CXADR: variants seen among roughly 807,000 people sequenced by gnomAD.
CXADR encodes the protein CXADR cell adhesion molecule.
Under a neutral mutation model 40.3 loss-of-function variants are expected in CXADR, and 20 were observed. That is an observed-to-expected ratio of 0.50 (90% confidence interval 0.35 to 0.72). The LOEUF (loss-of-function observed/expected upper bound fraction) is 0.72. CXADR is among the 30% of genes least tolerant of loss of function. CXADR has a pLI of 0.01. For synonymous variants in CXADR, 150 were observed against 161.3 expected, an observed-to-expected ratio of 0.93 and a Z score of 0.53; for missense variants, 332 against 449.1, an observed-to-expected ratio of 0.74 and a Z score of 2.36.
At chr21:17,584,558 G>A (rs1341477703) in intron 7 of CXADR, among the ~76,000 whole-genome samples, 2 of 152,356 alleles carry the variant, frequency 1.3e-5, no homozygotes, top group South Asian at 2.1e-4. Flanking sequence ...TAGGCCGGGC[G>A]TGATGGCTCA....
In CXADR at chr21:17,565,942, T is replaced by G. The variant is rs393317; in HGVS notation, c.*250T>G. The G allele has an allele frequency of 0.34, 387,008 of 1,143,946 alleles. 67,050 individuals are homozygous for G. The highest frequency in any genetic ancestry group is 0.49 in the African/African-American group (30,638 of 62,542). The allele number at this position is 1,143,946 out of a possible 1,614,324, so 70.9% of individuals were successfully genotyped here. ...TTTCTTTAAGAGGTTGATTATAAAG[T>G]TTTCTAAATTTATCAGTACCTAAGT... On this transcript the variant is annotated 3_prime_UTR_variant, in exon 7 of 7. Transcript: ENST00000284878.
the CXADR span, among the ~76,000 whole-genome samples, chr21:17,619,263 T>C: frequency 5.3e-5 from 8 of 152,166 alleles, no homozygotes; most frequent in Non-Finnish European, 1.2e-4. Context: ...CTCAAGCCTG[T>C]AATCCCAACA....
chr21:17,567,083 G>A lies in CXADR; in HGVS notation c.*1391G>A, dbSNP rs1467483158. ...GTATTTCCCTTAAGATTGTGAGGGA[G>A]TGTGGATACAGTAGAATGAGCCAAC... On this transcript the variant is annotated 3_prime_UTR_variant, in exon 7 of 7. Coordinates refer to ENST00000284878, the MANE Select transcript of CXADR (RefSeq NM_001338.5). 3 of 979,726 alleles carry A rather than the reference G, an allele frequency of 3.1e-6. No individual in the cohort carries two copies. The highest frequency in any genetic ancestry group is 3.6e-6 in the Non-Finnish European group (3 of 824,772). The allele number at this position is 979,726 out of a possible 1,614,324, so 60.7% of individuals were successfully genotyped here. A position where few individuals can be genotyped will look rare whatever the true frequency, so the allele number is the denominator to read the frequency against.
the CXADR span, among the ~76,000 whole-genome samples, chr21:17,607,366 A>C: frequency 6.6e-6 from 1 of 152,082 alleles, no homozygotes; most frequent in African/African-American, 2.4e-5. Flanking sequence ...AAAGCTGTTC[A>C]CTCTATTGGA....
intron 6 of CXADR, among the ~76,000 whole-genome samples, chr21:17,562,228 A>G (rs980095095): frequency 2.6e-5 from 4 of 152,210 alleles, no homozygotes; most frequent in African/African-American, 9.6e-5. Context: ...GTGGAAGGTC[A>G]TGCCTCACTG....
intron 7 of CXADR, chr21:17,576,812 T>G (rs750399982): frequency 1.3e-5 from 2 of 152,198 alleles, no homozygotes; most frequent in Non-Finnish European, 2.9e-5. Context: ...GTTCCAAAGA[T>G]AGTGAGTTAT....
At position 17,569,154 on chromosome 21, in the gene CXADR, G is replaced by A. The variant is rs1344095316; in HGVS notation, c.*3462G>A. ...AATATTCTCAGTGTCTTTTGTGTGC[G>A]TGCAGCATGTACATTTGATGTTATG... On this transcript the variant is annotated 3_prime_UTR_variant, in exon 7 of 7. Transcript: ENST00000284878. The A allele has an allele frequency of 7.1e-6, 7 of 985,206 alleles. No homozygotes were observed. Among genetic ancestry groups the A allele is most frequent in the East Asian group, 1.1e-4 (1 of 8,824 alleles). 61.0% of individuals were successfully genotyped at this position (985,206 alleles called of 1,614,324 possible).
the CXADR span, among the ~76,000 whole-genome samples, chr21:17,619,023 G>A: frequency 1.5e-4 from 23 of 152,212 alleles, no homozygotes; most frequent in East Asian, 1.5e-3. Context: ...ATTTTTTTCT[G>A]AGCAATAAGT....
downstream of CXADR, chr21:17,593,993 CT>C: frequency 7.2e-7 from 1 of 1,398,242 alleles, no homozygotes; most frequent in Non-Finnish European, 9.6e-7. Flanking sequence ...TTTGGCCCAT[CT>C]AACTTCACTA....
At chr21:17,519,056 G>A (rs1308554106) in intron 1 of CXADR, 8 of 1,141,786 alleles carry the variant, frequency 7.0e-6, no homozygotes, top group Admixed American at 1.8e-5. Context: ...GAGCAAGATG[G>A]CTGCCCGATA....
chr21:17,547,996 T>C (rs1419973089), intron 2 of CXADR, among the ~76,000 whole-genome samples: 1 of 152,160 alleles, frequency 6.6e-6, no homozygotes, highest in Non-Finnish European at 1.5e-5. Flanking sequence ...GTTTTACCTT[T>C]TCAATGGTTC....
In CXADR at chr21:17,590,167, A is replaced by G. The variant is rs77290400; in HGVS notation, c.1018-2985A>G. Among the ~76,000 whole-genome samples, 965 of 151,984 alleles carry G rather than the reference A, an allele frequency of 6.3e-3. 59 individuals carry two copies. The East Asian group carries it at 0.13, about 21-fold the overall frequency. ...TATTTTTAAGTCCTATGAAATTTAA[A>G]CACAAAGTCTCCCATGATTATGTTT... On this transcript the variant is annotated intron_variant, in intron 7 of 7. Transcript: ENST00000400169.
At position 17,559,115 on chromosome 21, in the gene CXADR, C is replaced by T; in HGVS notation, c.555C>T (p.Pro185=). The change falls in exon 4 of 7, where the codon CCC becomes CCT. Residue 185 remains proline, a synonymous_variant. Coordinates refer to ENST00000284878, the MANE Select transcript of CXADR (RefSeq NM_001338.5). ...WQKLSDSQKM[P]TSWLAEMTSS... Reference sequence around the variant, plus strand: ...AATTGTCTGACTCACAGAAAATGCCCACTTCATGGTTAGCAGGTACTGCTG... The same window carrying T: ...AATTGTCTGACTCACAGAAAATGCCTACTTCATGGTTAGCAGGTACTGCTG... The T allele has an allele frequency of 6.2e-7, 1 of 1,614,000 alleles. No individual in the cohort carries two copies. Among genetic ancestry groups the T allele is most frequent in the Non-Finnish European group, 8.5e-7 (1 of 1,179,968 alleles).
At chr21:17,593,986 G>T, downstream of CXADR, 1 of 1,281,438 alleles carries the variant, frequency 7.8e-7, no homozygotes, top group Non-Finnish European at 1.1e-6. Context: ...TTGATGGTTT[G>T]GCCCATCTAA....
chr21:17,594,415 A>G (rs1242770831), downstream of CXADR: 2 of 1,468,306 alleles, frequency 1.4e-6, no homozygotes, highest in African/African-American at 2.8e-5. Flanking sequence ...AGACAAACAA[A>G]GTTACCCACA....
At chr21:17,574,316 C>T (rs973421773), downstream of CXADR, among the ~76,000 whole-genome samples, 3 of 152,126 alleles carry the variant, frequency 2.0e-5, no homozygotes, top group Admixed American at 2.0e-4. Context: ...TTTTTATTTA[C>T]CCTTCTAGGA....
intron 3 of CXADR, among the ~76,000 whole-genome samples, chr21:17,554,779 T>C (rs527533357): frequency 6.6e-6 from 1 of 152,310 alleles, no homozygotes; most frequent in South Asian, 2.1e-4. Context: ...AAGTGCCCTC[T>C]AGTGACCCAA....
At chr21:17,525,100 G>A (rs1441183393) in intron 1 of CXADR, among the ~76,000 whole-genome samples, 1 of 152,072 alleles carries the variant, frequency 6.6e-6, no homozygotes, top group East Asian at 1.9e-4. Context: ...TGAGATCAGT[G>A]GTATGGTTCA....
chr21:17,603,649 C>A, the CXADR span, among the ~76,000 whole-genome samples: 1 of 152,116 alleles, frequency 6.6e-6, no homozygotes, highest in Non-Finnish European at 1.5e-5. Context: ...ACCTCAAAAC[C>A]AAATAGAAAC....
Sources: gnomAD v4.1 joint callset for allele counts (sites outside exome capture counted in the v4.1 genomes callset) on GRCh38, gnomAD v4.1.1 for gene constraint, MANE v1.5 for transcripts, NCBI Gene and HGNC (gene_info 2026-07-23, HGNC 2026-07-21) for gene names.